NAV2: variants seen among roughly 807,000 people sequenced by gnomAD.
NAV2 encodes the protein helicase, APC down-regulated 1.
NAV2 carries 54 observed loss-of-function variants against 223.2 expected under a neutral mutation model. The observed-to-expected ratio is 0.24, with a 90% CI of 0.19 to 0.30. The LOEUF is 0.30. Among genes scored for constraint, NAV2 ranks in the 10% least tolerant of loss-of-function variants. The pLI is 1.00. For missense variants in NAV2, 2,806 were observed against 3,147.5 expected, an observed-to-expected ratio of 0.89 and a Z score of 2.60; for synonymous variants, 1,279 against 1,239.3, an observed-to-expected ratio of 1.03 and a Z score of -0.67.
At chr11:19,466,966 C>T (rs1331420300) in intron 1 of NAV2, among the ~76,000 whole-genome samples, 6 of 140,050 alleles carry the variant, frequency 4.3e-5, no homozygotes, top group Non-Finnish European at 7.9e-5. Flanking sequence ...CTATCTTGTT[C>T]TCTCTTCTCT....
intron 6 of NAV2, among the ~76,000 whole-genome samples, chr11:19,925,575 C>T (rs557050163): frequency 6.6e-6 from 1 of 151,998 alleles, no homozygotes; most frequent in African/African-American, 2.4e-5. Context: ...GTGGTGAAAC[C>T]CTGTCTCTAC....
intron 1 of NAV2, among the ~76,000 whole-genome samples, chr11:19,428,346 T>C (rs1351807651): frequency 2.0e-5 from 3 of 152,172 alleles, no homozygotes; most frequent in Non-Finnish European, 1.5e-5. Flanking sequence ...GTACTGGGCT[T>C]TGAGAGACAC....
chr11:19,583,692 G>T (rs549251573), intron 1 of NAV2, among the ~76,000 whole-genome samples: 1 of 152,154 alleles, frequency 6.6e-6, no homozygotes, highest in Non-Finnish European at 1.5e-5. Context: ...ATTGATTTGC[G>T]TATGTGGAAC....
chr11:19,782,799 C>G (rs1006914199), intron 1 of NAV2, among the ~76,000 whole-genome samples: 15 of 152,174 alleles, frequency 9.9e-5, no homozygotes, highest in African/African-American at 3.4e-4. Context: ...TGACCTCCCA[C>G]TAAGAATGGG....
At chr11:20,012,182 C>G (rs2153513349) in intron 11 of NAV2, among the ~76,000 whole-genome samples, 1 of 152,352 alleles carries the variant, frequency 6.6e-6, no homozygotes, top group Admixed American at 6.5e-5. Context: ...AGCTGAACCT[C>G]CACATATAGC....
chr11:19,910,040 G>A (rs1264553990), intron 6 of NAV2, among the ~76,000 whole-genome samples: 1 of 152,144 alleles, frequency 6.6e-6, no homozygotes, highest in African/African-American at 2.4e-5. Context: ...TTATGTGCCT[G>A]GAGGTGTGTT....
chr11:19,833,969 T>A (rs947388537), intron 2 of NAV2, among the ~76,000 whole-genome samples: 1 of 152,194 alleles, frequency 6.6e-6, no homozygotes, highest in Non-Finnish European at 1.5e-5. Context: ...CTGGAACAAG[T>A]CTGCTAACAA....
intron 8 of NAV2, among the ~76,000 whole-genome samples, chr11:19,942,259 T>G (rs186512365): frequency 1.2e-3 from 189 of 152,332 alleles, no homozygotes; most frequent in African/African-American, 4.3e-3. Context: ...CGTGATCACC[T>G]AAGCATGTCA....
At chr11:19,639,426 T>C (rs1213426192) in intron 1 of NAV2, among the ~76,000 whole-genome samples, 1 of 152,214 alleles carries the variant, frequency 6.6e-6, no homozygotes, top group East Asian at 1.9e-4. Flanking sequence ...TATTTTTAAG[T>C]TCCCAATAGT....
intron 1 of NAV2, among the ~76,000 whole-genome samples, chr11:19,785,714 G>C (rs1436689428): frequency 6.6e-6 from 1 of 151,392 alleles, no homozygotes; most frequent in Admixed American, 6.6e-5. Context: ...TCTGGCCACT[G>C]TATGGGGAGG....
In NAV2 at chr11:19,998,243, G is replaced by C. The variant is rs571478526; in HGVS notation, c.2768+13996G>C. On this transcript the variant is annotated intron_variant, in intron 11 of 37. Transcript: ENST00000349880. The surrounding 1 kb of genome is among the most constrained non-coding windows in gnomAD (Gnocchi z 5.0). ...GTTTCAAATCTCTCAGCTTCTCTCTGTCTCTGTGTTTCTCCCTGTCTCTCT... is the reference window on the plus strand; with the variant it reads ...GTTTCAAATCTCTCAGCTTCTCTCTCTCTCTGTGTTTCTCCCTGTCTCTCT... 1.8e-3 allele frequency among the ~76,000 whole-genome samples: 268 copies of C among 151,876 alleles called. No homozygotes were observed. Among genetic ancestry groups the C allele is most frequent in the African/African-American group, 6.1e-3 (253 of 41,414 alleles).
At chr11:20,105,421 T>C (rs1450629808) in intron 34 of NAV2, 110 bp from the exon 35 acceptor site, 2 of 824,028 alleles carry the variant, frequency 2.4e-6, no homozygotes, top group Non-Finnish European at 4.0e-6. Context: ...CTAATCCAAT[T>C]TGTTGCATTA....
rs557838851 is a variant in NAV2 at position 19,685,945 on chromosome 11, C to T, written c.76-146539C>T. On this transcript the variant is annotated intron_variant, in intron 1 of 37. Coordinates refer to the NAV2 transcript ENST00000360655. ...CAAATCTCATCATGTGACTTTCCAA[C>T]TTAAAACTCTCCAGAGGCTTCTCAC... 9.2e-5 allele frequency among the ~76,000 whole-genome samples: 14 copies of T among 151,738 alleles called. No individual in the cohort carries two copies. The East Asian group carries it at 2.5e-3, about 28-fold the overall frequency.
At chr11:19,764,172 G>T (rs927842806) in intron 1 of NAV2, among the ~76,000 whole-genome samples, 4 of 152,190 alleles carry the variant, frequency 2.6e-5, no homozygotes, top group African/African-American at 7.2e-5. Flanking sequence ...AAGCATTCCT[G>T]GAGGGAATCA....
At chr11:19,422,938 C>G (rs956028484) in intron 1 of NAV2, among the ~76,000 whole-genome samples, 1 of 152,218 alleles carries the variant, frequency 6.6e-6, no homozygotes, top group Non-Finnish European at 1.5e-5. Context: ...GAGACTTCCT[C>G]TCTCTTGGCC....
intron 1 of NAV2, among the ~76,000 whole-genome samples, chr11:19,554,885 TG>T (rs1275206706): frequency 2.0e-5 from 3 of 151,428 alleles, no homozygotes; most frequent in Non-Finnish European, 4.4e-5. Context: ...AGGAGGAGGT[TG>T]CAGTGAGCTG....
At chr11:19,445,996 G>A (rs1337356052) in intron 1 of NAV2, among the ~76,000 whole-genome samples, 1 of 152,162 alleles carries the variant, frequency 6.6e-6, no homozygotes, top group African/African-American at 2.4e-5. Context: ...CCTGTCATAT[G>A]TCCTTGTGTC....
intron 1 of NAV2, among the ~76,000 whole-genome samples, chr11:19,589,270 A>G (rs988505426): frequency 3.9e-5 from 6 of 152,254 alleles, no homozygotes; most frequent in Admixed American, 3.9e-4. Context: ...AACAAACAAA[A>G]AAAACCTCCC....
At chr11:19,940,972 C>T (rs930989575) in intron 8 of NAV2, among the ~76,000 whole-genome samples, 13 of 152,264 alleles carry the variant, frequency 8.5e-5, no homozygotes, top group African/African-American at 2.9e-4. Flanking sequence ...CTCGAGTCTC[C>T]ATGCACATTC....
Sources: allele counts gnomAD v4.1 joint callset (sites outside exome capture counted in the v4.1 genomes callset), GRCh38; gene constraint gnomAD v4.1.1; non-coding constraint Gnocchi (gnomAD v3.1); transcripts MANE v1.5; gene names NCBI Gene and HGNC (gene_info 2026-07-23, HGNC 2026-07-21).